PHACTR1: variants seen among roughly 807,000 people sequenced by gnomAD.
The protein encoded by PHACTR1 is phosphatase and actin regulator 1, also known as RPEL repeat containing 1.
Under a neutral mutation model 69.2 loss-of-function variants are expected in PHACTR1, and 16 were observed. The ratio of observed to expected loss-of-function variants is 0.23; its 90% CI spans 0.16 to 0.35. The LOEUF (loss-of-function observed/expected upper bound fraction) is 0.35, where lower values mean the gene tolerates loss of function less well. PHACTR1 is among the 10% of genes least tolerant of loss of function. PHACTR1 has a pLI of 1.00. For synonymous variants in PHACTR1, 312 were observed against 284.5 expected (o/e 1.10, Z -0.97); for missense variants, 510 against 734.7 (o/e 0.69, Z 3.54).
chr6:13,110,824 T>C (rs554105757), intron 5 of PHACTR1, among the ~76,000 whole-genome samples: 3 of 152,348 alleles, frequency 2.0e-5, no homozygotes, highest in African/African-American at 7.2e-5. Flanking sequence ...CCTACTTTTT[T>C]ACAGTCGAAG....
At chr6:12,847,829 T>A (rs1049318902) in intron 4 of PHACTR1, among the ~76,000 whole-genome samples, 3 of 152,174 alleles carry the variant, frequency 2.0e-5, no homozygotes, top group African/African-American at 7.2e-5. Context: ...AAATTAATTT[T>A]AAAAAATTAA....
intron 5 of PHACTR1, among the ~76,000 whole-genome samples, chr6:13,153,680 G>A (rs1757773767): frequency 1.3e-5 from 2 of 152,132 alleles, no homozygotes; most frequent in Admixed American, 1.3e-4. Flanking sequence ...TGGAAATTTG[G>A]TTATTTTCTA....
intron 4 of PHACTR1, among the ~76,000 whole-genome samples, chr6:12,944,897 T>C (rs199967970): frequency 4.0e-5 from 6 of 151,688 alleles, no homozygotes; most frequent in East Asian, 1.9e-4. Context: ...ATTCTCCTGC[T>C]TCAGCCTCCC....
chr6:13,054,522 T>C (rs56950799), intron 5 of PHACTR1, among the ~76,000 whole-genome samples: 10,174 of 152,252 alleles, frequency 0.067, 894 homozygotes, highest in African/African-American at 0.2. Context: ...AAGATAGGTT[T>C]TCTTCTGAGG....
At chr6:13,205,767 C>G (rs544443727) in intron 7 of PHACTR1, 48 bp from the exon 8 acceptor site, 1 of 1,509,920 alleles carries the variant, frequency 6.6e-7, no homozygotes, top group African/African-American at 1.4e-5. Context: ...TGAGTTTCTT[C>G]TGATGCCCCC....
At chr6:13,250,606 C>T (rs1298301156) in intron 10 of PHACTR1, among the ~76,000 whole-genome samples, 10 of 152,172 alleles carry the variant, frequency 6.6e-5, no homozygotes, top group South Asian at 2.1e-4. Flanking sequence ...TGTATGTTGT[C>T]CTTAAGAAAG....
At chr6:13,157,998 C>T (rs1758433482) in intron 5 of PHACTR1, among the ~76,000 whole-genome samples, 1 of 152,146 alleles carries the variant, frequency 6.6e-6, no homozygotes, top group African/African-American at 2.4e-5. Flanking sequence ...CCTCCTGTCT[C>T]AGCCTCCCAA....
At chr6:13,162,185 C>T (rs180974145) in intron 6 of PHACTR1, among the ~76,000 whole-genome samples, 151 of 152,204 alleles carry the variant, frequency 9.9e-4, no homozygotes, top group Non-Finnish European at 9.1e-4. Flanking sequence ...CTGCAACCTC[C>T]GCCTCCTGGG....
chr6:12,819,553 C>T (rs1472151571), intron 4 of PHACTR1, among the ~76,000 whole-genome samples: 1 of 152,150 alleles, frequency 6.6e-6, no homozygotes, highest in Non-Finnish European at 1.5e-5. Context: ...ATAAAAACAA[C>T]TTCACTGTGT....
intron 4 of PHACTR1, among the ~76,000 whole-genome samples, chr6:12,977,403 CACAA>C (rs755006139): frequency 6.7e-6 from 1 of 148,596 alleles, no homozygotes; most frequent in African/African-American, 2.5e-5. Flanking sequence ...CACACACACA[CACAA>C]CACATTTAAA....
intron 5 of PHACTR1, among the ~76,000 whole-genome samples, chr6:13,086,068 G>A (rs1421523252): frequency 8.0e-5 from 2 of 24,874 alleles, no homozygotes; most frequent in East Asian, 1.1e-3. Flanking sequence ...TAAAAATAAA[G>A]AAGATACACA....
At chr6:13,269,704 C>A (rs191757542) in intron 10 of PHACTR1, among the ~76,000 whole-genome samples, 1 of 152,004 alleles carries the variant, frequency 6.6e-6, no homozygotes, top group Non-Finnish European at 1.5e-5. Flanking sequence ...CATGGTGGCA[C>A]GCACCTGTAA....
chr6:13,272,754 G>T (rs759876166), intron 10 of PHACTR1, 106 bp from the exon 11 acceptor site: 1 of 1,612,808 alleles, frequency 6.2e-7, no homozygotes, highest in Admixed American at 1.7e-5. Flanking sequence ...GATGGAACAA[G>T]AACTCCAGCC....
intron 5 of PHACTR1, among the ~76,000 whole-genome samples, chr6:13,140,873 A>C (rs1218540616): frequency 3.9e-5 from 6 of 152,170 alleles, no homozygotes; most frequent in Non-Finnish European, 1.5e-5. Flanking sequence ...AGTCCAGACA[A>C]ACTTTCTATT....
chr6:12,792,444 A>C, intron 4 of PHACTR1, among the ~76,000 whole-genome samples: 1 of 141,290 alleles, frequency 7.1e-6, no homozygotes, highest in East Asian at 2.1e-4. Flanking sequence ...AGCCTGGGCA[A>C]CAAGAGCAAA....
chr6:13,135,295 G>T (rs1422566386), intron 5 of PHACTR1, among the ~76,000 whole-genome samples: 1 of 152,192 alleles, frequency 6.6e-6, no homozygotes, highest in African/African-American at 2.4e-5. Context: ...GATCGCCAGG[G>T]CCACGTTTCT....
At chr6:12,896,763 A>T (rs6912428) in intron 4 of PHACTR1, among the ~76,000 whole-genome samples, 151,901 of 152,368 alleles carry the variant, frequency 1, 75,719 homozygotes, top group Middle Eastern at 1. Context: ...CGTTATATGT[A>T]TTTCTTCCCA....
At position 13,245,511 on chromosome 6, in the gene PHACTR1, G is replaced by GT. The variant is rs749397113; in HGVS notation, c.1391+15324dup. On this transcript the variant is annotated intron_variant, in intron 10 of 14. Transcript: ENST00000332995. The surrounding 1 kb of genome is among the most constrained non-coding windows in gnomAD (Gnocchi z 4.1). ...CATGTCCTTTTTAATGGGGTTGTTT[G>GT]TTTTTTGCTTGTAAATTTAAGTTTC... 6.6e-6 allele frequency among the ~76,000 whole-genome samples: 1 copy of GT among 152,060 alleles called. No individual in the cohort carries two copies.
intron 4 of PHACTR1, among the ~76,000 whole-genome samples, chr6:12,995,483 C>A (rs1797320346): frequency 6.6e-6 from 1 of 151,890 alleles, no homozygotes; most frequent in African/African-American, 2.4e-5. Flanking sequence ...ACCAAACTAG[C>A]ATACCAATAT....
Sources: allele counts gnomAD v4.1 joint callset (sites outside exome capture counted in the v4.1 genomes callset), GRCh38; gene constraint gnomAD v4.1.1; non-coding constraint Gnocchi (gnomAD v3.1); transcripts MANE v1.5; gene names NCBI Gene and HGNC (gene_info 2026-07-23, HGNC 2026-07-21).